The following FBXO4 variants were observed in gnomAD, a reference collection of about 807,000 sequenced individuals.
FBXO4 encodes F-box protein 4, also known as F-box only protein 4.
In FBXO4, 36 loss-of-function variants were observed where a neutral mutation model predicts 43.7. The ratio of observed to expected loss-of-function variants is 0.82; its 90% CI spans 0.63 to 1.09. FBXO4 has a LOEUF of 1.09. FBXO4 is among the 50% of genes least tolerant of loss of function. The pLI, the probability that FBXO4 is intolerant of heterozygous loss-of-function variation, is 0.00. For missense variants in FBXO4, 435 were observed against 474.1 expected (o/e 0.92, Z 0.77); for synonymous variants, 180 against 165.6 (o/e 1.09, Z -0.67).
At chr5:41,959,936 A>G in the FBXO4 span, among the ~76,000 whole-genome samples, 2 of 152,070 alleles carry the variant, frequency 1.3e-5, no homozygotes, top group Non-Finnish European at 2.9e-5. Flanking sequence ...TTGAATGTGT[A>G]GATCTCTTTG....
chr5:42,039,368 C>T, the FBXO4 span, among the ~76,000 whole-genome samples: 3 of 152,044 alleles, frequency 2.0e-5, no homozygotes, highest in Non-Finnish European at 2.9e-5. Context: ...TCTGTAAAAT[C>T]GGGCAACCTG....
chr5:41,954,836 A>G, the FBXO4 span, among the ~76,000 whole-genome samples: 1 of 152,214 alleles, frequency 6.6e-6, no homozygotes, highest in African/African-American at 2.4e-5. Context: ...TTCTGCTGAA[A>G]GATAAAACAT....
the FBXO4 span, among the ~76,000 whole-genome samples, chr5:42,031,499 A>G: frequency 6.6e-6 from 1 of 151,388 alleles, no homozygotes; most frequent in Non-Finnish European, 1.5e-5. Flanking sequence ...TAGGAGATAT[A>G]CCTAATGCTA....
chr5:42,019,070 A>T, the FBXO4 span, among the ~76,000 whole-genome samples: 2 of 152,168 alleles, frequency 1.3e-5, no homozygotes, highest in Non-Finnish European at 2.9e-5. Flanking sequence ...GAAGAATTGA[A>T]TTTTTAATTT....
At chr5:42,011,000 A>G in the FBXO4 span, among the ~76,000 whole-genome samples, 36 of 152,056 alleles carry the variant, frequency 2.4e-4, no homozygotes, top group African/African-American at 8.4e-4. Context: ...TACATTAGGT[A>G]TTTCTCCTAA....
chr5:41,960,643 A>T, the FBXO4 span, among the ~76,000 whole-genome samples: 1 of 152,198 alleles, frequency 6.6e-6, no homozygotes, highest in Non-Finnish European at 1.5e-5. Flanking sequence ...TTAATGTATT[A>T]TATCACATTT....
At chr5:41,985,672 T>C in the FBXO4 span, among the ~76,000 whole-genome samples, 1 of 152,134 alleles carries the variant, frequency 6.6e-6, no homozygotes, top group African/African-American at 2.4e-5. Flanking sequence ...CTTACTAACT[T>C]GGGAGAATTA....
chr5:41,954,166 T>C, the FBXO4 span, among the ~76,000 whole-genome samples: 19 of 152,234 alleles, frequency 1.2e-4, no homozygotes, highest in African/African-American at 4.6e-4. Flanking sequence ...TTTTTTCGAA[T>C]ACTACAGAGG....
At chr5:41,966,803 A>C in the FBXO4 span, among the ~76,000 whole-genome samples, 2 of 152,188 alleles carry the variant, frequency 1.3e-5, no homozygotes, top group Non-Finnish European at 2.9e-5. Flanking sequence ...TAGGAATAGC[A>C]CTAGAGAAGT....
chr5:41,984,673 G>A, the FBXO4 span, among the ~76,000 whole-genome samples: 4 of 152,078 alleles, frequency 2.6e-5, no homozygotes, highest in East Asian at 3.9e-4. Context: ...GATAAGCCCC[G>A]CAAATTTTTG....
chr5:42,026,993 T>C, the FBXO4 span, among the ~76,000 whole-genome samples: 4 of 151,948 alleles, frequency 2.6e-5, no homozygotes, highest in African/African-American at 7.2e-5. Flanking sequence ...CTCAGAGATA[T>C]TGGCCTGTAG....
At chr5:41,945,710 A>G (rs955906008), downstream of FBXO4, among the ~76,000 whole-genome samples, 1 of 152,168 alleles carries the variant, frequency 6.6e-6, no homozygotes, top group East Asian at 1.9e-4. Context: ...GCCTGTCCAT[A>G]TGGATAAGAT....
At chr5:42,013,799 A>C in the FBXO4 span, among the ~76,000 whole-genome samples, 1 of 152,182 alleles carries the variant, frequency 6.6e-6, no homozygotes, top group South Asian at 2.1e-4. Flanking sequence ...GCTTTTTCTC[A>C]GAGGTGAGAA....
At chr5:41,949,645 T>C in the FBXO4 span, among the ~76,000 whole-genome samples, 48 of 152,162 alleles carry the variant, frequency 3.2e-4, no homozygotes, top group African/African-American at 1.2e-3. Flanking sequence ...CTGCCCAAGG[T>C]ATTTTACAGA....
At chr5:42,016,124 G>T in the FBXO4 span, among the ~76,000 whole-genome samples, 1 of 152,132 alleles carries the variant, frequency 6.6e-6, no homozygotes. Flanking sequence ...ATAGAGTAGC[G>T]AGCTAGAAAA....
the FBXO4 span, among the ~76,000 whole-genome samples, chr5:41,959,574 T>C: frequency 6.6e-6 from 1 of 152,168 alleles, no homozygotes; most frequent in East Asian, 1.9e-4. Context: ...TTTGAGACGA[T>C]GGTCTATTTT....
chr5:41,981,996 G>A, the FBXO4 span, among the ~76,000 whole-genome samples: 4 of 151,086 alleles, frequency 2.6e-5, no homozygotes, highest in South Asian at 2.1e-4. Flanking sequence ...GAGAACATGC[G>A]GTGTTTGGTT....
At chr5:41,970,102 TTTTGAGTTGATATA>T in the FBXO4 span, among the ~76,000 whole-genome samples, 2 of 152,076 alleles carry the variant, frequency 1.3e-5, no homozygotes, top group African/African-American at 4.8e-5. Flanking sequence ...TTGGTTGAAG[TTTTGAGTTGATATA>T]TAAAACATTA....
At chr5:41,981,752 A>G in the FBXO4 span, among the ~76,000 whole-genome samples, 1 of 146,824 alleles carries the variant, frequency 6.8e-6, no homozygotes, top group Admixed American at 6.8e-5. Flanking sequence ...TTTTTAATAT[A>G]CATATTTTTA....
Sources: allele counts gnomAD v4.1 joint callset (sites outside exome capture counted in the v4.1 genomes callset), GRCh38; gene constraint gnomAD v4.1.1; transcripts MANE v1.5; gene names NCBI Gene and HGNC (gene_info 2026-07-23, HGNC 2026-07-21).